Variants in IGFBP7 observed in about 807,000 individuals in gnomAD.
IGFBP7 encodes the protein insulin-like growth factor-binding protein 7.
Under a neutral mutation model 29.4 loss-of-function variants are expected in IGFBP7, and 31 were observed. The ratio of observed to expected loss-of-function variants is 1.05; its 90% CI spans 0.79 to 1.42. The LOEUF (loss-of-function observed/expected upper bound fraction) is 1.42, where lower values mean the gene tolerates loss of function less well. Ranked by LOEUF, IGFBP7 falls within the 40% of genes most tolerant of loss-of-function variation. The probability of loss-of-function intolerance (pLI) is 0.00; values close to 1 mark genes in which losing one functional copy is unlikely to be tolerated. For synonymous variants in IGFBP7, 172 were observed against 174.9 expected, an observed-to-expected ratio of 0.98 and a Z score of 0.13; for missense variants, 393 against 395.5, an observed-to-expected ratio of 0.99 and a Z score of 0.05.
rs185583047 is a variant in IGFBP7, at chr4:57,066,341, C to T, written c.476-25408G>A. On this transcript the variant is annotated intron_variant, in intron 1 of 4. Transcript: ENST00000295666. ...ATGAGGAACTGGGTCCTCCTGACAA[C>T]GGCCATGTGAGTGAGTCAATCCAAA... Among the ~76,000 whole-genome samples the T allele has an allele frequency of 8.5e-4, 129 of 152,244 alleles. No individual in the cohort carries two copies. In the South Asian group the frequency reaches 0.01, roughly 12 times the overall value.
chr4:57,076,076 A>G (rs938548492), intron 1 of IGFBP7, among the ~76,000 whole-genome samples: 1 of 152,226 alleles, frequency 6.6e-6, no homozygotes, highest in African/African-American at 2.4e-5. Context: ...GAAGTCCAAG[A>G]TCAGGGTGCG....
chr4:57,033,439 TG>T (rs1434138824), intron 2 of IGFBP7, 128 bp from the exon 3 acceptor site: 5 of 744,012 alleles, frequency 6.7e-6, no homozygotes, highest in African/African-American at 1.7e-5. Flanking sequence ...AGCATTTCAC[TG>T]AACTATTTCC....
At chr4:57,094,903 G>T (rs1725726340) in intron 1 of IGFBP7, among the ~76,000 whole-genome samples, 1 of 152,194 alleles carries the variant, frequency 6.6e-6, no homozygotes, top group South Asian at 2.1e-4. Flanking sequence ...GCAAACATTT[G>T]AGTCACGGGG....
intron 1 of IGFBP7, among the ~76,000 whole-genome samples, chr4:57,044,410 C>T (rs559087032): frequency 6.6e-6 from 1 of 152,300 alleles, no homozygotes; most frequent in African/African-American, 2.4e-5. Flanking sequence ...TTTTCGTGTC[C>T]TGTTTAAGAA....
At chr4:57,106,103 T>C (rs1218048305) in intron 1 of IGFBP7, among the ~76,000 whole-genome samples, 1 of 152,076 alleles carries the variant, frequency 6.6e-6, no homozygotes, top group African/African-American at 2.4e-5. Flanking sequence ...AGACGGTGTT[T>C]CATTGTGTTA....
At chr4:57,078,782 G>T (rs1279482188) in intron 1 of IGFBP7, among the ~76,000 whole-genome samples, 1 of 151,868 alleles carries the variant, frequency 6.6e-6, no homozygotes, top group African/African-American at 2.4e-5. Flanking sequence ...AGCCTACAGA[G>T]CCCGGAGCAC....
chr4:57,074,249 C>T (rs190662462), intron 1 of IGFBP7, among the ~76,000 whole-genome samples: 17 of 152,238 alleles, frequency 1.1e-4, no homozygotes, highest in African/African-American at 3.9e-4. Flanking sequence ...TTAGTGGAGA[C>T]GGGGTCTTGC....
chr4:57,094,844 G>A (rs10024901), intron 1 of IGFBP7, among the ~76,000 whole-genome samples: 16,181 of 152,212 alleles, frequency 0.11, 1,322 homozygotes, highest in African/African-American at 0.22. Flanking sequence ...ACTTGCTAAA[G>A]TGTAATTGCC....
At chr4:57,038,185 G>A (rs1347372940) in intron 2 of IGFBP7, among the ~76,000 whole-genome samples, 1 of 152,216 alleles carries the variant, frequency 6.6e-6, no homozygotes, top group Non-Finnish European at 1.5e-5. Context: ...CCGGCCGCAT[G>A]GGGGAGCCAG....
chr4:57,043,191 C>T lies in IGFBP7; in HGVS notation c.476-2258G>A, dbSNP rs1046217598. 5.3e-5 allele frequency among the ~76,000 whole-genome samples: 8 copies of T among 152,166 alleles called. No homozygotes were observed. In the East Asian group the frequency reaches 9.6e-4, roughly 18 times the overall value. ...AGGGGCCTTCAGAAAGACTTGGGAC[C>T]GTCCGCAGAGGAGGGTCATGGAGCT... On this transcript the variant is annotated intron_variant, in intron 1 of 4. Coordinates refer to ENST00000295666, the MANE Select transcript of IGFBP7 (RefSeq NM_001553.3).
At chr4:57,074,558 T>G (rs374682280) in intron 1 of IGFBP7, among the ~76,000 whole-genome samples, 49 of 152,326 alleles carry the variant, frequency 3.2e-4, no homozygotes, top group African/African-American at 1.2e-3. Context: ...CCAGCCTGAC[T>G]TCAGGGGCTT....
At chr4:57,099,398 A>T (rs1395341399) in intron 1 of IGFBP7, among the ~76,000 whole-genome samples, 2 of 152,204 alleles carry the variant, frequency 1.3e-5, no homozygotes, top group Non-Finnish European at 2.9e-5. Context: ...AAAAAATGCA[A>T]ATTCCTTAGA....
chr4:57,054,023 C>T (rs2412775), intron 1 of IGFBP7, among the ~76,000 whole-genome samples: 66,921 of 151,748 alleles, frequency 0.44, 15,004 homozygotes, highest in African/African-American at 0.47. Flanking sequence ...TCCTTCTTTT[C>T]TTGGGATGAG....
chr4:57,109,161 C>T (rs1449355481), intron 1 of IGFBP7, among the ~76,000 whole-genome samples: 1 of 152,110 alleles, frequency 6.6e-6, no homozygotes, highest in Non-Finnish European at 1.5e-5. Context: ...CAGGGCTGTG[C>T]ACGGTGGTTT....
chr4:57,109,347 G>C (rs976882710), intron 1 of IGFBP7, among the ~76,000 whole-genome samples: 2 of 152,172 alleles, frequency 1.3e-5, no homozygotes, highest in African/African-American at 4.8e-5. Flanking sequence ...GCTGAGGCAG[G>C]AGGATCGCTT....
intron 1 of IGFBP7, among the ~76,000 whole-genome samples, chr4:57,099,606 T>A (rs1725842889): frequency 6.6e-6 from 1 of 152,192 alleles, no homozygotes; most frequent in Admixed American, 6.5e-5. Flanking sequence ...TGGAAAATGA[T>A]CAAACAGCAC....
Position 57,030,858 on chromosome 4 carries a change from C to A in IGFBP7, c.*459G>T. On this transcript the variant is annotated 3_prime_UTR_variant, in exon 5 of 5. Coordinates refer to ENST00000295666, the MANE Select transcript of IGFBP7 (RefSeq NM_001553.3). ...CTGGGGTAGAGAAGTGGGGTCACTT[C>A]AATACAATTCTGCTAATTACCATTT... The A allele has an allele frequency of 8.5e-7, 1 of 1,180,854 alleles. No homozygotes were observed. The highest frequency in any genetic ancestry group is 1.3e-6 in the Non-Finnish European group (1 of 785,162). The allele number at this position is 1,180,854 out of a possible 1,614,324, so 73.1% of individuals were successfully genotyped here. A position where few individuals can be genotyped will look rare whatever the true frequency, so the allele number is the denominator to read the frequency against.
At chr4:57,060,220 G>T (rs187893764) in intron 1 of IGFBP7, among the ~76,000 whole-genome samples, 12 of 152,302 alleles carry the variant, frequency 7.9e-5, no homozygotes. Flanking sequence ...AATGAGGTCT[G>T]GCTGCTTGTT....
chr4:57,051,795 A>C (rs1724509145), intron 1 of IGFBP7, among the ~76,000 whole-genome samples: 1 of 152,226 alleles, frequency 6.6e-6, no homozygotes, highest in Non-Finnish European at 1.5e-5. Context: ...AGACCATCAA[A>C]AGGATCAAAC....
Sources: allele counts gnomAD v4.1 joint callset (sites outside exome capture counted in the v4.1 genomes callset), GRCh38; gene constraint gnomAD v4.1.1; transcripts MANE v1.5; gene names NCBI Gene and HGNC (gene_info 2026-07-23, HGNC 2026-07-21).